Variants in SPIDR observed in about 807,000 individuals in gnomAD.
SPIDR encodes the protein scaffold protein involved in DNA repair.
A neutral mutation model predicts 104.6 loss-of-function variants in SPIDR; 93 were observed. The ratio of observed to expected loss-of-function variants is 0.89; its 90% CI spans 0.75 to 1.06. The LOEUF (loss-of-function observed/expected upper bound fraction) is 1.06. SPIDR is among the 50% of genes least tolerant of loss of function. The probability of loss-of-function intolerance (pLI) is 0.00; values close to 1 mark genes in which losing one functional copy is unlikely to be tolerated. For synonymous variants in SPIDR, 431 were observed against 416.9 expected (o/e 1.03, Z -0.41); for missense variants, 1,154 against 1,111.2 (o/e 1.04, Z -0.55).
intron 14 of SPIDR, among the ~76,000 whole-genome samples, chr8:47,708,160 A>C (rs1184365043): frequency 6.6e-6 from 1 of 152,194 alleles, no homozygotes; most frequent in Non-Finnish European, 1.5e-5. Flanking sequence ...TTAGCCGGGC[A>C]TGATGGCAGG....
intron 5 of SPIDR, among the ~76,000 whole-genome samples, chr8:47,302,941 C>T (rs1554578708): frequency 6.6e-6 from 1 of 152,232 alleles, no homozygotes; most frequent in African/African-American, 2.4e-5. Flanking sequence ...TCTCCAGCTG[C>T]ATGCTGGGAG....
intron 8 of SPIDR, among the ~76,000 whole-genome samples, chr8:47,447,161 A>G (rs530331498): frequency 6.3e-4 from 96 of 152,208 alleles, no homozygotes; most frequent in Non-Finnish European, 1.2e-3. Flanking sequence ...CCTAACTTTA[A>G]TGGATGAGGA....
intron 19 of SPIDR, chr8:47,732,241 T>G: frequency 1.4e-6 from 1 of 701,742 alleles, no homozygotes. Flanking sequence ...AATATTCCCA[T>G]AGGTAAAAGC....
At chr8:47,302,279 G>A (rs1276145388) in intron 5 of SPIDR, among the ~76,000 whole-genome samples, 1 of 152,242 alleles carries the variant, frequency 6.6e-6, no homozygotes, top group East Asian at 1.9e-4. Context: ...TTCTCGTGCT[G>A]TGGTTTTCAG....
At chr8:47,294,533 C>T (rs2040493381) in intron 5 of SPIDR, 1 of 153,412 alleles carries the variant, frequency 6.5e-6, no homozygotes, top group Non-Finnish European at 1.5e-5. Context: ...GGCACCCTCT[C>T]CCTAGAAGGT....
chr8:47,429,297 A>G (rs2066937702), intron 7 of SPIDR, among the ~76,000 whole-genome samples: 1 of 152,170 alleles, frequency 6.6e-6, no homozygotes, highest in Admixed American at 6.5e-5. Context: ...TTTGTGTGAC[A>G]TTCTTTGTCA....
intron 11 of SPIDR, among the ~76,000 whole-genome samples, chr8:47,691,885 C>T (rs1394029482): frequency 1.3e-5 from 2 of 152,186 alleles, no homozygotes; most frequent in Admixed American, 6.5e-5. Flanking sequence ...CCACTGGGCT[C>T]GCTCCCAACC....
chr8:47,706,396 A>G (rs1374329165), intron 14 of SPIDR, among the ~76,000 whole-genome samples: 3 of 152,146 alleles, frequency 2.0e-5, no homozygotes, highest in African/African-American at 7.2e-5. Context: ...CTGTCTCAAC[A>G]ACAACAACAA....
At chr8:47,728,795 C>G in intron 17 of SPIDR, 138 bp from the exon 18 acceptor site, 1 of 997,336 alleles carries the variant, frequency 1.0e-6, no homozygotes, top group Admixed American at 2.8e-5. Context: ...GCAGGCCTCT[C>G]TCAGAAACTT....
chr8:47,452,971 G>T (rs892524581), intron 8 of SPIDR, among the ~76,000 whole-genome samples: 4 of 152,094 alleles, frequency 2.6e-5, no homozygotes, highest in Non-Finnish European at 5.9e-5. Flanking sequence ...CCCCATCATC[G>T]CAGCCCAAGA....
intron 8 of SPIDR, among the ~76,000 whole-genome samples, chr8:47,583,457 T>C (rs574967350): frequency 9.5e-4 from 145 of 152,332 alleles, no homozygotes; most frequent in African/African-American, 3.4e-3. Context: ...CTAAACATGC[T>C]GAATGTTCAG....
intron 10 of SPIDR, chr8:47,660,511 A>G: frequency 1.0e-6 from 1 of 985,414 alleles, no homozygotes; most frequent in Non-Finnish European, 1.2e-6. Context: ...GATGGCTGAA[A>G]CAGGTGATTC....
At chr8:47,589,377 C>T (rs1449202414) in intron 8 of SPIDR, among the ~76,000 whole-genome samples, 1 of 151,658 alleles carries the variant, frequency 6.6e-6, no homozygotes, top group Non-Finnish European at 1.5e-5. Flanking sequence ...AAAAAATTTG[C>T]CGGGCATGGT....
intron 16 of SPIDR, among the ~76,000 whole-genome samples, chr8:47,723,971 CTA>C (rs1180191859): frequency 6.6e-6 from 1 of 151,214 alleles, no homozygotes; most frequent in Non-Finnish European, 1.5e-5. Context: ...TTTAAATAAA[CTA>C]TTATCTTTTC....
At chr8:47,679,050 C>G (rs1157510746) in intron 11 of SPIDR, among the ~76,000 whole-genome samples, 2 of 152,136 alleles carry the variant, frequency 1.3e-5, no homozygotes, top group African/African-American at 4.8e-5. Flanking sequence ...ATGCTGCACC[C>G]TCATTAAGGG....
intron 11 of SPIDR, 92 bp from the exon 12 acceptor site, chr8:47,700,311 A>G (rs1281297727): frequency 4.7e-6 from 6 of 1,285,746 alleles, no homozygotes; most frequent in African/African-American, 1.5e-5. Context: ...GGCCTTAGGC[A>G]TTAGAGTCTG....
At chr8:47,668,633 A>C (rs909395867) in intron 10 of SPIDR, among the ~76,000 whole-genome samples, 2 of 152,242 alleles carry the variant, frequency 1.3e-5, no homozygotes, top group African/African-American at 4.8e-5. Flanking sequence ...AAGGATGCCC[A>C]GTCACTGGCT....
chr8:47,577,777 A>C (rs2059285899), intron 8 of SPIDR, among the ~76,000 whole-genome samples: 1 of 152,184 alleles, frequency 6.6e-6, no homozygotes, highest in African/African-American at 2.4e-5. Context: ...CAATAGCATC[A>C]ACATAACCTT....
intron 8 of SPIDR, among the ~76,000 whole-genome samples, chr8:47,510,815 A>T (rs568038476): frequency 6.6e-6 from 1 of 152,096 alleles, no homozygotes; most frequent in Non-Finnish European, 1.5e-5. Flanking sequence ...GGTTATTTTT[A>T]TTTTTTTCAT....
Sources: gnomAD v4.1 joint callset for allele counts (sites outside exome capture counted in the v4.1 genomes callset) on GRCh38, gnomAD v4.1.1 for gene constraint, MANE v1.5 for transcripts, NCBI Gene and HGNC (gene_info 2026-07-23, HGNC 2026-07-21) for gene names.